Variants in INSR observed in about 807,000 individuals in gnomAD.
INSR encodes the protein IR.
INSR carries 67 observed loss-of-function variants against 142.6 expected under a neutral mutation model. The ratio of observed to expected loss-of-function variants is 0.47; its 90% confidence interval spans 0.39 to 0.58. The LOEUF is 0.58. Ranked by LOEUF, INSR falls within the 20% of genes least tolerant of loss-of-function variation. The pLI, the probability that INSR is intolerant of heterozygous loss-of-function variation, is 0.00. For synonymous variants in INSR, 756 were observed against 743.1 expected, an observed-to-expected ratio of 1.02 and a Z score of -0.28; for missense variants, 1,248 against 1,833.2, an observed-to-expected ratio of 0.68 and a Z score of 5.83.
At chr19:7,284,895 A>G (rs74818009) in intron 1 of INSR, among the ~76,000 whole-genome samples, 1,552 of 152,292 alleles carry the variant, frequency 0.01, 24 homozygotes, top group African/African-American at 0.036. Context: ...AGAAGGTGGA[A>G]TGCCCTCTTA....
intron 9 of INSR, among the ~76,000 whole-genome samples, chr19:7,161,944 A>T (rs1973759153): frequency 6.6e-6 from 1 of 152,056 alleles, no homozygotes; most frequent in South Asian, 2.1e-4. Flanking sequence ...GCGCTTTGGG[A>T]GGCTGAGGGG....
At chr19:7,252,817 T>G (rs1405826095) in intron 2 of INSR, among the ~76,000 whole-genome samples, 1 of 152,010 alleles carries the variant, frequency 6.6e-6, no homozygotes, top group Non-Finnish European at 1.5e-5. Flanking sequence ...AAGAAACTTC[T>G]AGGATAAAGA....
chr19:7,132,260 G>A lies in INSR; in HGVS notation c.2740C>T (p.Arg914Cys), dbSNP rs1972805107. 11 of 1,614,220 alleles carry A rather than the reference G, an allele frequency of 6.8e-6. No homozygotes were observed. The highest frequency in any genetic ancestry group is 1.1e-5 in the South Asian group (1 of 91,086). The change falls in exon 14 of 22, where the codon CGT (arginine) becomes TGT (cysteine). Residue 914 changes from arginine to cysteine, a missense_variant. Arg to Cys is a radical substitution (Grantham distance 180, BLOSUM62 -3). Coordinates refer to ENST00000302850, the MANE Select transcript of INSR (RefSeq NM_000208.4). ...CTGTAGTTCCCCGGTGACAGCCCAC[G>A]CAGCCTGCAGCCCCGTTCCAGAGCG... ...HFALERGCRL[R>C]GLSPGNYSVR...
chr19:7,257,422 G>A lies in INSR; in HGVS notation c.652+9923C>T, dbSNP rs554723339. 2.5e-4 allele frequency among the ~76,000 whole-genome samples: 38 copies of A among 149,742 alleles called. No individual in the cohort carries two copies. In the South Asian group the frequency reaches 7.0e-3, roughly 28 times the overall value. ...CAAACACGTCTAGAAGCACGGGTTC[G>A]ATGACTCACTCGAAGGGGAAAGGCG... On this transcript the variant is annotated intron_variant, in intron 2 of 21. Transcript: ENST00000302850.
chr19:7,152,596 G>T, intron 10 of INSR, 130 bp downstream of exon 10: 2 of 809,206 alleles, frequency 2.5e-6, no homozygotes, highest in Middle Eastern at 3.4e-4. Context: ...CCAGGAAAGG[G>T]CTCCATTCAG....
At chr19:7,127,602 C>T (rs1972676875) in intron 15 of INSR, among the ~76,000 whole-genome samples, 2 of 152,130 alleles carry the variant, frequency 1.3e-5, no homozygotes, top group Admixed American at 1.3e-4. Context: ...ACACTGCACT[C>T]AGTAATATTA....
intron 13 of INSR, among the ~76,000 whole-genome samples, chr19:7,139,091 C>T (rs764175655): frequency 1.3e-5 from 2 of 152,152 alleles, no homozygotes; most frequent in African/African-American, 2.4e-5. Context: ...CATGTCCTTC[C>T]TTGCCTGGGC....
intron 1 of INSR, among the ~76,000 whole-genome samples, chr19:7,290,757 C>T (rs1364321851): frequency 2.1e-5 from 3 of 146,032 alleles, no homozygotes; most frequent in Non-Finnish European, 4.5e-5. Flanking sequence ...CAGAGTGACA[C>T]CCTGTCTCAA....
intron 2 of INSR, among the ~76,000 whole-genome samples, chr19:7,190,744 C>G (rs1306140602): frequency 6.6e-6 from 1 of 152,094 alleles, no homozygotes; most frequent in Non-Finnish European, 1.5e-5. Context: ...AGATGTTGAT[C>G]AAACTACAAA....
chr19:7,167,470 A>C (rs1225339586), intron 7 of INSR, among the ~76,000 whole-genome samples: 1 of 151,218 alleles, frequency 6.6e-6, no homozygotes, highest in Non-Finnish European at 1.5e-5. Context: ...CAGCTACTCA[A>C]GAGACTGAGG....
intron 21 of INSR, among the ~76,000 whole-genome samples, chr19:7,118,848 G>A (rs1003201400): frequency 2.7e-5 from 4 of 149,334 alleles, no homozygotes; most frequent in Admixed American, 6.7e-5. Context: ...CCGGGAGGCG[G>A]AGCTTGAAGT....
At position 7,163,025 on chromosome 19, in the gene INSR, C is replaced by T; in HGVS notation, c.2029+7G>A. ...CCACCGATCCTAGCACAGCTGCCTG[C>T]ACTCACCTTTGAGGCAATAATCCAG... is the stretch of plus-strand genomic sequence containing the variant. On this transcript the variant is annotated splice_region_variant and intron_variant, in intron 9 of 21. Transcript: ENST00000302850. The T allele has an allele frequency of 6.2e-7, 1 of 1,613,110 alleles. No homozygotes were observed. Among genetic ancestry groups the T allele is most frequent in the African/African-American group, 1.3e-5 (1 of 74,956 alleles).
At chr19:7,213,849 C>T (rs998026062) in intron 2 of INSR, among the ~76,000 whole-genome samples, 2 of 152,028 alleles carry the variant, frequency 1.3e-5, no homozygotes, top group East Asian at 1.9e-4. Context: ...ATTAGCCAGG[C>T]GTGGTGGTGC....
Position 7,135,304 on chromosome 19 carries a change from CTTTTTTTTTTTT to C in INSR, c.2683-2999_2683-2988del, listed in dbSNP as rs34080394. On this transcript the variant is annotated intron_variant, in intron 13 of 21. Coordinates refer to ENST00000302850, the MANE Select transcript of INSR (RefSeq NM_000208.4). ...CCAGGACAAAGGGGAAATGCATCTT[CTTTTTTTTTTTT>C]TTTTTTTTTTTTTTTGGAGACGGAG... Among the ~76,000 whole-genome samples the C allele has an allele frequency of 7.1e-3, 427 of 60,054 alleles. 4 individuals are homozygous for C. The highest frequency in any genetic ancestry group is 0.01 in the Non-Finnish European group (342 of 34,160). The allele number at this position is 60,054 out of a possible 152,430, so 39.4% of individuals were successfully genotyped here. A position where few individuals can be genotyped will look rare whatever the true frequency, so the allele number is the denominator to read the frequency against.
intron 19 of INSR, among the ~76,000 whole-genome samples, chr19:7,121,104 T>A (rs12460805): frequency 0.44 from 66,707 of 151,424 alleles, 14,904 homozygotes; most frequent in Admixed American, 0.54. Context: ...TTCAAGCAAT[T>A]CTCTTGCCTC....
At chr19:7,268,556 C>T in intron 1 of INSR, 1 of 985,324 alleles carries the variant, frequency 1.0e-6, no homozygotes, top group South Asian at 4.7e-5. Context: ...AGATTCTGCC[C>T]CTACATCCCC....
At chr19:7,288,806 T>C (rs1409520366) in intron 1 of INSR, among the ~76,000 whole-genome samples, 1 of 150,956 alleles carries the variant, frequency 6.6e-6, no homozygotes, top group Non-Finnish European at 1.5e-5. Flanking sequence ...CTACTAAAAG[T>C]ACAAAAACTA....
intron 3 of INSR, among the ~76,000 whole-genome samples, chr19:7,180,293 G>A (rs1455549233): frequency 3.3e-5 from 5 of 152,114 alleles, no homozygotes; most frequent in African/African-American, 1.2e-4. Flanking sequence ...ACTTTGGGAA[G>A]CCAAGGTGGG....
At chr19:7,218,525 G>T (rs1975505457) in intron 2 of INSR, among the ~76,000 whole-genome samples, 1 of 151,280 alleles carries the variant, frequency 6.6e-6, no homozygotes, top group Non-Finnish European at 1.5e-5. Flanking sequence ...TTGTTTTGTT[G>T]TTTTTTTCTG....
Sources: allele counts gnomAD v4.1 joint callset (sites outside exome capture counted in the v4.1 genomes callset), GRCh38; gene constraint gnomAD v4.1.1; transcripts MANE v1.5; gene names NCBI Gene and HGNC (gene_info 2026-07-23, HGNC 2026-07-21).